LSM6: variants seen among roughly 807,000 people sequenced by gnomAD.
LSM6 encodes the protein U6 snRNA-associated Sm-like protein LSm6.
A neutral mutation model predicts 13.5 loss-of-function variants in LSM6; 2 were observed. The ratio of observed to expected loss-of-function variants is 0.15; its 90% CI spans 0.06 to 0.47. LSM6 has a LOEUF of 0.47. Ranked by LOEUF, LSM6 falls within the 20% of genes least tolerant of loss-of-function variation. LSM6 has a pLI of 0.97. For synonymous variants in LSM6, 43 were observed against 34.9 expected (o/e 1.23, Z -0.82); for missense variants, 58 against 96.4 (o/e 0.60, Z 1.67).
At chr4:146,187,459 G>T in intron 3 of LSM6, 72 bp downstream of exon 3, 1 of 907,210 alleles carries the variant, frequency 1.1e-6, no homozygotes, top group South Asian at 1.7e-5. Flanking sequence ...TCACCAAAGA[G>T]GTTTCTAGAT....
chr4:146,177,621 A>AT (rs201188013), intron 1 of LSM6, among the ~76,000 whole-genome samples: 1 of 151,728 alleles, frequency 6.6e-6, no homozygotes, highest in Admixed American at 6.6e-5. Context: ...CCAAAGAACA[A>AT]TTTTTTTTAT....
intron 1 of LSM6, among the ~76,000 whole-genome samples, chr4:146,176,858 T>A (rs1578674746): frequency 6.6e-6 from 1 of 152,284 alleles, no homozygotes; most frequent in East Asian, 1.9e-4. Flanking sequence ...ATTATTTCCT[T>A]GGACTAGATT....
At position 146,189,967 on chromosome 4, in the gene LSM6, A is replaced by G. The variant is rs947658323; in HGVS notation, c.*311A>G. ...GTTTCGAGAAGTGTCATTTCATTTGACTTGCTTTTCTTATCCAGCTAAAAT... is the reference window on the plus strand; with the variant it reads ...GTTTCGAGAAGTGTCATTTCATTTGGCTTGCTTTTCTTATCCAGCTAAAAT... On this transcript the variant is annotated 3_prime_UTR_variant, in exon 4 of 4. Transcript: ENST00000296581. 2 of 265,680 alleles carry G rather than the reference A, an allele frequency of 7.5e-6. No individual in the cohort carries two copies. The highest frequency in any genetic ancestry group is 1.4e-5 in the Non-Finnish European group (2 of 142,666). 16.5% of individuals were successfully genotyped at this position (265,680 alleles called of 1,614,324 possible).
intron 1 of LSM6, chr4:146,176,115 G>A (rs866941315): frequency 2.0e-5 from 3 of 152,330 alleles, no homozygotes; most frequent in African/African-American, 7.2e-5. Flanking sequence ...GCACCGTCCC[G>A]GCTCCTACCG....
At chr4:146,183,486 C>G (rs1403096430) in intron 2 of LSM6, 1 of 152,778 alleles carries the variant, frequency 6.5e-6, no homozygotes, top group African/African-American at 2.4e-5. Flanking sequence ...AAAAAAATGC[C>G]TTTCTGTTCT....
chr4:146,176,928 A>G (rs1334565242), intron 1 of LSM6, among the ~76,000 whole-genome samples: 1 of 152,172 alleles, frequency 6.6e-6, no homozygotes, highest in Non-Finnish European at 1.5e-5. Context: ...TTAGGCCTTC[A>G]TACACATTGC....
chr4:146,178,097 T>G (rs1730150150), intron 1 of LSM6, among the ~76,000 whole-genome samples: 1 of 152,230 alleles, frequency 6.6e-6, no homozygotes, highest in Admixed American at 6.5e-5. Flanking sequence ...TTGAAGTACA[T>G]GCATGATCCT....
intron 3 of LSM6, among the ~76,000 whole-genome samples, chr4:146,189,308 C>T (rs1342788427): frequency 6.6e-6 from 1 of 152,150 alleles, no homozygotes. Flanking sequence ...AAGCATAATT[C>T]TTATACTTCT....
chr4:146,176,600 T>TA (rs1398458675), intron 1 of LSM6: 2 of 152,174 alleles, frequency 1.3e-5, no homozygotes, highest in African/African-American at 4.8e-5. Flanking sequence ...AGCTTCTACT[T>TA]GAACTAAGAG....
rs372456407 is a variant in LSM6, at chr4:146,189,947, G to A, written c.*291G>A. ...TACAAGATTATTTAACTTAAGTTTC[G>A]AGAAGTGTCATTTCATTTGACTTGC... On this transcript the variant is annotated 3_prime_UTR_variant, in exon 4 of 4. Transcript: ENST00000296581. 12 of 287,038 alleles carry A rather than the reference G, an allele frequency of 4.2e-5. No homozygotes were observed. The highest frequency in any genetic ancestry group is 2.7e-4 in the African/African-American group (12 of 45,066). The allele number at this position is 287,038 out of a possible 1,614,324, so 17.8% of individuals were successfully genotyped here. A position where few individuals can be genotyped will look rare whatever the true frequency, so the allele number is the denominator to read the frequency against.
At chr4:146,184,070 G>A (rs74628680) in intron 2 of LSM6, among the ~76,000 whole-genome samples, 4 of 152,190 alleles carry the variant, frequency 2.6e-5, no homozygotes, top group South Asian at 2.1e-4. Context: ...TGAGGGCTAC[G>A]TCCTCCAGAG....
chr4:146,187,483 A>G (rs1256537295), intron 3 of LSM6, 96 bp downstream of exon 3: 3 of 680,734 alleles, frequency 4.4e-6, no homozygotes, highest in East Asian at 2.8e-5. Flanking sequence ...TTAAAAGTCC[A>G]CTTTTAGGCT....
chr4:146,182,400 A>G (rs1023119936), intron 1 of LSM6, among the ~76,000 whole-genome samples: 1 of 152,248 alleles, frequency 6.6e-6, no homozygotes, highest in African/African-American at 2.4e-5. Flanking sequence ...GTTCCATCAC[A>G]TTTGGGAACA....
rs1370879634 is a variant in LSM6, at chr4:146,190,413, G to C, written c.*757G>C. The C allele has an allele frequency of 6.6e-6, 1 of 152,286 alleles. No homozygotes were observed. Among genetic ancestry groups the C allele is most frequent in the African/African-American group, 2.4e-5 (1 of 41,442 alleles). The allele number at this position is 152,286 out of a possible 1,614,324, so 9.4% of individuals were successfully genotyped here. The stretch of plus-strand genomic sequence containing the variant: ...CTCTCAGTTTATGAACACAGTAGGG[G>C]AGGGGCCATTCCTGTACATCTCTCA... On this transcript the variant is annotated 3_prime_UTR_variant, in exon 4 of 4. Transcript: ENST00000296581.
intron 1 of LSM6, among the ~76,000 whole-genome samples, 186 bp from the exon 2 acceptor site, chr4:146,182,726 A>G (rs1202553410): frequency 6.6e-6 from 1 of 152,248 alleles, no homozygotes; most frequent in African/African-American, 2.4e-5. Context: ...TTAGCTTAGT[A>G]TCTGGCTCAT....
chr4:146,181,666 T>G (rs1730234887), intron 1 of LSM6, among the ~76,000 whole-genome samples: 2 of 152,218 alleles, frequency 1.3e-5, no homozygotes, highest in Non-Finnish European at 2.9e-5. Flanking sequence ...AAAGAACAGC[T>G]TGAGTTCTTG....
intron 3 of LSM6, among the ~76,000 whole-genome samples, chr4:146,188,421 C>T (rs1278985569): frequency 3.3e-5 from 5 of 151,448 alleles, no homozygotes; most frequent in African/African-American, 4.9e-5. Flanking sequence ...GGTTGGGGGG[C>T]GGCTGTACTG....
intron 3 of LSM6, 144 bp from the exon 4 acceptor site, chr4:146,189,478 T>A: frequency 1.6e-6 from 1 of 639,390 alleles, no homozygotes; most frequent in Admixed American, 3.3e-5. Flanking sequence ...CTTACAGTAC[T>A]TCTAGAGTTA....
intron 1 of LSM6, among the ~76,000 whole-genome samples, chr4:146,178,304 A>G (rs1730154223): frequency 6.6e-6 from 1 of 152,192 alleles, no homozygotes; most frequent in Non-Finnish European, 1.5e-5. Flanking sequence ...AAAAATTACG[A>G]AACAGCCTGA....
Sources: gnomAD v4.1 joint callset for allele counts (sites outside exome capture counted in the v4.1 genomes callset) on GRCh38, gnomAD v4.1.1 for gene constraint, MANE v1.5 for transcripts, NCBI Gene and HGNC (gene_info 2026-07-23, HGNC 2026-07-21) for gene names.